PDHX: variants seen among roughly 807,000 people sequenced by gnomAD.
PDHX encodes the protein pyruvate dehydrogenase protein X component, mitochondrial.
In PDHX, 33 loss-of-function variants were observed where a neutral mutation model predicts 55.3. That is an observed-to-expected ratio of 0.60 (90% CI 0.45 to 0.80). The LOEUF (loss-of-function observed/expected upper bound fraction) is 0.80. PDHX is among the 30% of genes least tolerant of loss of function. The probability of loss-of-function intolerance (pLI) is 0.00; values close to 1 mark genes in which losing one functional copy is unlikely to be tolerated. For missense variants in PDHX, 622 were observed against 619.9 expected (o/e 1.00, Z -0.04); for synonymous variants, 226 against 219.4 (o/e 1.03, Z -0.27).
intron 1 of PDHX, among the ~76,000 whole-genome samples, chr11:34,920,235 G>A (rs1853842024): frequency 6.6e-6 from 1 of 152,158 alleles, no homozygotes; most frequent in South Asian, 2.1e-4. Context: ...GCATGATTTG[G>A]AATATAATTG....
chr11:34,979,019 A>T (rs1855445566), intron 8 of PDHX, among the ~76,000 whole-genome samples: 1 of 152,110 alleles, frequency 6.6e-6, no homozygotes, highest in South Asian at 2.1e-4. Flanking sequence ...GCTTTAGAAG[A>T]TCACAGTGGC....
chr11:34,939,301 A>G (rs1204956357), intron 2 of PDHX, among the ~76,000 whole-genome samples: 2 of 152,202 alleles, frequency 1.3e-5, no homozygotes, highest in East Asian at 1.9e-4. Flanking sequence ...AAGAAAATTG[A>G]TATTTTTCAT....
chr11:34,971,176 T>A (rs1351158231), intron 7 of PDHX, among the ~76,000 whole-genome samples: 2 of 152,162 alleles, frequency 1.3e-5, no homozygotes, highest in East Asian at 3.8e-4. Flanking sequence ...CATTTACAGA[T>A]TATTAAATTT....
intron 2 of PDHX, among the ~76,000 whole-genome samples, chr11:34,937,442 C>CTT (rs36061427): frequency 0.76 from 102,510 of 134,326 alleles, 39,404 homozygotes; most frequent in East Asian, 0.83. Context: ...GAGTTGCTGA[C>CTT]TTTTTTTTTT....
chr11:34,969,343 T>C (rs1855204749), intron 6 of PDHX, among the ~76,000 whole-genome samples: 1 of 151,954 alleles, frequency 6.6e-6, no homozygotes, highest in African/African-American at 2.4e-5. Context: ...GGTGGTTTTT[T>C]TTCTTTTTTT....
At chr11:34,943,573 C>T (rs973656541) in intron 2 of PDHX, among the ~76,000 whole-genome samples, 2 of 152,126 alleles carry the variant, frequency 1.3e-5, no homozygotes, top group African/African-American at 4.8e-5. Flanking sequence ...ACCACTAAAA[C>T]ATTTAAAGAA....
intron 6 of PDHX, 70 bp from the exon 7 acceptor site, chr11:34,970,069 G>A (rs1855223957): frequency 1.4e-5 from 18 of 1,297,052 alleles, no homozygotes; most frequent in Non-Finnish European, 1.2e-5. Context: ...CATTTATAAA[G>A]TTGCTTGTTT....
At chr11:34,969,274 G>T (rs1855202141) in intron 6 of PDHX, among the ~76,000 whole-genome samples, 1 of 151,888 alleles carries the variant, frequency 6.6e-6, no homozygotes, top group Non-Finnish European at 1.5e-5. Flanking sequence ...TTCATCATAA[G>T]TCAAAGGGCA....
chr11:34,976,291 C>T (rs1855370798), intron 7 of PDHX, among the ~76,000 whole-genome samples: 1 of 152,132 alleles, frequency 6.6e-6, no homozygotes, highest in African/African-American at 2.4e-5. Context: ...GCTTTTCTGT[C>T]TTGACAATGT....
At chr11:34,978,462 C>T (rs1161665304) in intron 8 of PDHX, among the ~76,000 whole-genome samples, 1 of 152,036 alleles carries the variant, frequency 6.6e-6, no homozygotes, top group East Asian at 1.9e-4. Context: ...CTGGGGCTTA[C>T]ATTCTAGTTG....
chr11:34,948,281 C>T (rs1854673001), intron 3 of PDHX, among the ~76,000 whole-genome samples: 4 of 152,140 alleles, frequency 2.6e-5, no homozygotes, highest in African/African-American at 9.7e-5. Context: ...GTCCCCAAGT[C>T]AGTCTGTATG....
In PDHX at chr11:34,987,007, T is replaced by A. The variant is rs142702842; in HGVS notation, c.1182+2279T>A. Among the ~76,000 whole-genome samples the A allele has an allele frequency of 1.3e-3, 193 of 152,340 alleles. No individual in the cohort carries two copies. In the Middle Eastern group the frequency reaches 0.014, roughly 11 times the overall value. ...TAACTTCTCCATGAAATTGAGGAGA[T>A]TCAGTTTTAGCAACTTTGATAAATT... On this transcript the variant is annotated intron_variant, in intron 9 of 10. Coordinates refer to ENST00000227868, the MANE Select transcript of PDHX (RefSeq NM_003477.3).
rs1299587086 is a variant in PDHX, at chr11:34,966,694, A to T, written c.696A>T (p.Arg232Ser). The T allele has an allele frequency of 1.9e-6, 3 of 1,614,018 alleles. No homozygotes were observed. The African/African-American group carries it at 4.0e-5, about 22-fold the overall frequency. ...LKQTGKITES[R>S]PTPAPTATPT... The stretch of plus-strand genomic sequence containing the variant: ...AAACGGGCAAGATTACCGAGTCCAG[A>T]CCAACTCCAGCCCCCACAGCCACTC... Residue 232 changes from arginine to serine, a missense_variant, in exon 6 of 11, where the codon AGA (arginine) becomes AGT (serine). Physicochemically the swap from Arg to Ser is moderately radical, Grantham distance 110. Coordinates refer to ENST00000227868, the MANE Select transcript of PDHX (RefSeq NM_003477.3).
intron 2 of PDHX, among the ~76,000 whole-genome samples, chr11:34,932,165 A>G (rs975196997): frequency 1.3e-5 from 2 of 152,180 alleles, no homozygotes; most frequent in Non-Finnish European, 2.9e-5. Context: ...CTTAATGTAT[A>G]AAAATGAAAC....
At chr11:34,921,083 T>A (rs995903870) in intron 1 of PDHX, among the ~76,000 whole-genome samples, 1 of 152,230 alleles carries the variant, frequency 6.6e-6, no homozygotes, top group Non-Finnish European at 1.5e-5. Flanking sequence ...ATAAGATTGA[T>A]ATTCTCCTTT....
At position 34,962,640 on chromosome 11, in the gene PDHX, A is replaced by T. The variant is rs554583284; in HGVS notation, c.641+2122A>T. The stretch of plus-strand genomic sequence containing the variant: ...TTGAGATCATCAATAGGGAAACTAG[A>T]GGTTAAAATCCTTGAGTTGGAGGAT... On this transcript the variant is annotated intron_variant, in intron 5 of 10. Coordinates refer to ENST00000227868, the MANE Select transcript of PDHX (RefSeq NM_003477.3). Among the ~76,000 whole-genome samples the T allele has an allele frequency of 3.9e-5, 6 of 152,314 alleles. No individual in the cohort carries two copies. In the South Asian group the frequency reaches 1.0e-3, roughly 26 times the overall value.
At chr11:34,917,180 G>C (rs1344467365) in intron 1 of PDHX, among the ~76,000 whole-genome samples, 5 of 152,134 alleles carry the variant, frequency 3.3e-5, no homozygotes, top group Non-Finnish European at 5.9e-5. Flanking sequence ...AGAAAAAGCT[G>C]CCCAAGGTTG....
intron 8 of PDHX, among the ~76,000 whole-genome samples, chr11:34,980,348 G>GTTTTTTTTTT (rs1319243948): frequency 5.9e-4 from 18 of 30,464 alleles, no homozygotes; most frequent in African/African-American, 2.1e-3. Flanking sequence ...GTTTAAGATA[G>GTTTTTTTTTT]TTTCTTTTTT....
At chr11:34,952,496 C>T (rs867354312) in intron 3 of PDHX, among the ~76,000 whole-genome samples, 1 of 151,436 alleles carries the variant, frequency 6.6e-6, no homozygotes, top group Admixed American at 6.6e-5. Flanking sequence ...TCCACCATGA[C>T]CAAGTGGGCT....
Sources: gnomAD v4.1 joint callset for allele counts (sites outside exome capture counted in the v4.1 genomes callset) on GRCh38, gnomAD v4.1.1 for gene constraint, MANE v1.5 for transcripts, NCBI Gene and HGNC (gene_info 2026-07-23, HGNC 2026-07-21) for gene names.